The following KIF16B variants were observed in gnomAD, a reference collection of about 807,000 sequenced individuals.
The protein encoded by KIF16B is kinesin family member 16B.
Under a neutral mutation model 156.3 loss-of-function variants are expected in KIF16B, and 98 were observed. The ratio of observed to expected loss-of-function variants is 0.63; its 90% confidence interval spans 0.53 to 0.74. The LOEUF is 0.74. Among genes scored for constraint, KIF16B ranks in the 30% least tolerant of loss-of-function variants. The pLI, the probability that KIF16B is intolerant of heterozygous loss-of-function variation, is 0.00. For missense variants in KIF16B, 1,421 were observed against 1,606.5 expected, an observed-to-expected ratio of 0.88 and a Z score of 1.97; for synonymous variants, 564 against 583.7, an observed-to-expected ratio of 0.97 and a Z score of 0.49.
chr20:16,356,862 T>C (rs1285462037), intron 22 of KIF16B, among the ~76,000 whole-genome samples: 1 of 152,244 alleles, frequency 6.6e-6, no homozygotes, highest in Non-Finnish European at 1.5e-5. Context: ...GCTATACTTA[T>C]AAAGCTGCAA....
chr20:16,495,900 A>T (rs1325579205), intron 11 of KIF16B, among the ~76,000 whole-genome samples: 2 of 152,138 alleles, frequency 1.3e-5, no homozygotes, highest in African/African-American at 2.4e-5. Context: ...CATGTCACCC[A>T]GGCTGGTCTT....
At chr20:16,568,096 T>G (rs2071326373) in intron 1 of KIF16B, among the ~76,000 whole-genome samples, 1 of 152,188 alleles carries the variant, frequency 6.6e-6, no homozygotes. Context: ...TATCTTCTTT[T>G]TAAAAGAGGA....
intron 12 of KIF16B, among the ~76,000 whole-genome samples, chr20:16,480,682 A>G (rs2067955713): frequency 6.6e-6 from 1 of 152,220 alleles, no homozygotes; most frequent in Non-Finnish European, 1.5e-5. Context: ...GAAGCTGGCA[A>G]TGTCTACACA....
intron 25 of KIF16B, among the ~76,000 whole-genome samples, chr20:16,308,609 T>C (rs2063574065): frequency 6.6e-6 from 1 of 152,262 alleles, no homozygotes; most frequent in African/African-American, 2.4e-5. Flanking sequence ...ACCTGTAAGA[T>C]GAAGATAATG....
chr20:16,445,891 T>G (rs1283291041), intron 12 of KIF16B, among the ~76,000 whole-genome samples: 1 of 152,196 alleles, frequency 6.6e-6, no homozygotes, highest in Non-Finnish European at 1.5e-5. Context: ...CTCTCTTTTT[T>G]TCTACTTTAT....
At chr20:16,532,448 C>T (rs2069794296) in intron 1 of KIF16B, among the ~76,000 whole-genome samples, 1 of 152,198 alleles carries the variant, frequency 6.6e-6, no homozygotes, top group Admixed American at 6.5e-5. Flanking sequence ...CTCCAACCCA[C>T]CAGGAGTTGG....
At chr20:16,425,543 C>A (rs927811772) in intron 15 of KIF16B, among the ~76,000 whole-genome samples, 2 of 151,932 alleles carry the variant, frequency 1.3e-5, no homozygotes, top group Admixed American at 6.6e-5. Flanking sequence ...TGGTAATATT[C>A]CATAATGGAA....
At chr20:16,400,092 C>T (rs2065611852) in intron 17 of KIF16B, among the ~76,000 whole-genome samples, 1 of 152,180 alleles carries the variant, frequency 6.6e-6, no homozygotes, top group Admixed American at 6.5e-5. Flanking sequence ...GAGAAACATG[C>T]AAATGAGCTA....
At chr20:16,278,258 C>A (rs1326829171) in intron 25 of KIF16B, among the ~76,000 whole-genome samples, 1 of 151,594 alleles carries the variant, frequency 6.6e-6, no homozygotes, top group Non-Finnish European at 1.5e-5. Flanking sequence ...GAGGGGAAGA[C>A]AAAAGAGGTG....
chr20:16,508,416 C>G (rs1397195811), intron 6 of KIF16B, among the ~76,000 whole-genome samples: 1 of 152,164 alleles, frequency 6.6e-6, no homozygotes, highest in Non-Finnish European at 1.5e-5. Flanking sequence ...TTTTCAGCAC[C>G]AGAGATCGGT....
intron 12 of KIF16B, among the ~76,000 whole-genome samples, chr20:16,471,404 G>T (rs2067659008): frequency 2.0e-5 from 3 of 152,238 alleles, no homozygotes; most frequent in Admixed American, 1.3e-4. Flanking sequence ...TCTGCCCCTT[G>T]ACCAGCATAT....
At chr20:16,347,695 T>A (rs2064259184) in intron 23 of KIF16B, among the ~76,000 whole-genome samples, 1 of 152,212 alleles carries the variant, frequency 6.6e-6, no homozygotes, top group Non-Finnish European at 1.5e-5. Flanking sequence ...TACTTTCACT[T>A]GCTATTTATG....
chr20:16,406,241 A>G, intron 16 of KIF16B, 133 bp downstream of exon 16: 1 of 731,180 alleles, frequency 1.4e-6, no homozygotes, highest in Non-Finnish European at 2.4e-6. Flanking sequence ...CCCTAGAATC[A>G]ATCCAGATCA....
intron 22 of KIF16B, among the ~76,000 whole-genome samples, chr20:16,357,072 G>A (rs1476514693): frequency 6.6e-6 from 1 of 152,124 alleles, no homozygotes; most frequent in East Asian, 1.9e-4. Context: ...TGAGGAAGAG[G>A]CATTATGAAA....
chr20:16,284,601 A>G (rs541739941), intron 25 of KIF16B, among the ~76,000 whole-genome samples: 1 of 152,242 alleles, frequency 6.6e-6, no homozygotes, highest in East Asian at 1.9e-4. Flanking sequence ...ACATGATTAG[A>G]TTAAGCACAC....
intron 24 of KIF16B, among the ~76,000 whole-genome samples, chr20:16,325,486 C>T (rs1398537532): frequency 1.3e-5 from 2 of 151,536 alleles, no homozygotes; most frequent in Non-Finnish European, 2.9e-5. Flanking sequence ...ATACAAATCA[C>T]TAGTGCTGCT....
intron 25 of KIF16B, among the ~76,000 whole-genome samples, chr20:16,302,108 G>A (rs6111032): frequency 0.29 from 44,859 of 152,098 alleles, 7,085 homozygotes; most frequent in East Asian, 0.57. Context: ...GGTGTCTTTT[G>A]CAGAGCAGAA....
chr20:16,321,640 G>C (rs2063774356), intron 24 of KIF16B, among the ~76,000 whole-genome samples: 1 of 152,074 alleles, frequency 6.6e-6, no homozygotes, highest in Non-Finnish European at 1.5e-5. Flanking sequence ...TGCTTTTGAG[G>C]AAGGTATCTT....
chr20:16,487,679 A>G (rs1397940419), intron 12 of KIF16B, among the ~76,000 whole-genome samples: 1 of 152,180 alleles, frequency 6.6e-6, no homozygotes, highest in Non-Finnish European at 1.5e-5. Flanking sequence ...TCATTTTACT[A>G]TATTTCTTGT....
Sources: allele counts gnomAD v4.1 joint callset (sites outside exome capture counted in the v4.1 genomes callset), GRCh38; gene constraint gnomAD v4.1.1; transcripts MANE v1.5; gene names NCBI Gene and HGNC (gene_info 2026-07-23, HGNC 2026-07-21).